GRIPAP1: variants seen among roughly 807,000 people sequenced by gnomAD.
The protein encoded by GRIPAP1 is GRIP1-associated protein 1.
In GRIPAP1, 14 loss-of-function variants were observed where a neutral mutation model predicts 84.1. The observed-to-expected ratio is 0.17, with a 90% CI of 0.11 to 0.26. The LOEUF is 0.26. Ranked by LOEUF, GRIPAP1 falls within the 10% of genes least tolerant of loss-of-function variation. GRIPAP1 has a pLI of 1.00. For synonymous variants in GRIPAP1, 261 were observed against 256.8 expected (o/e 1.02, Z -0.15); for missense variants, 518 against 674.2 (o/e 0.77, Z 2.57).
chrX:48,985,101 G>C (rs1391142083), intron 14 of GRIPAP1, among the ~76,000 whole-genome samples, 167 bp downstream of exon 14: 9 of 111,783 alleles, frequency 8.1e-5, no homozygotes, highest in African/African-American at 2.9e-4. Context: ...CTCAGTTTCA[G>C]AGAAGTGAAA....
rs1009934296 is a variant in GRIPAP1 at position 48,989,707 on chromosome X, G to T, written c.774C>A (p.Asn258Lys). The T allele has an allele frequency of 8.5e-7, 1 of 1,179,319 alleles. No homozygotes were observed. Among genetic ancestry groups the T allele is most frequent in the African/African-American group, 1.8e-5 (1 of 56,677 alleles). Residue 258 changes from asparagine to lysine, a missense_variant, in exon 11 of 26, where the codon AAC becomes AAA. By Grantham distance (94) the Asn-to-Lys change is moderately conservative (BLOSUM62 0). This residue lies in a region of GRIPAP1 where 372 missense variants were observed against 458.1 expected (regional missense o/e 0.81). Transcript: ENST00000376423. ...TCCGTTGTTGTAATTCCTCAATCTTGTTCCTAGGAGTGATGGGGAGGGGGT... is the reference window on the plus strand; with the variant it reads ...TCCGTTGTTGTAATTCCTCAATCTTTTTCCTAGGAGTGATGGGGAGGGGGT... The part of the protein sequence containing the change: ...EKETLFNDSR[N>K]KIEELQQRKE...
Position 48,976,036 on chromosome X carries a change from C to T in GRIPAP1, c.2260G>A (p.Val754Ile), listed in dbSNP as rs1019007123. 1 of 1,210,636 alleles carries T rather than the reference C, an allele frequency of 8.3e-7. No homozygotes were observed. The highest frequency in any genetic ancestry group is 1.7e-5 in the African/African-American group (1 of 57,798). ...CACTGACCGATCCGGCTGTCCATGA[C>T]GTAGGTCTCAATGATGGCGCTCTTC... is the stretch of plus-strand genomic sequence containing the variant. ...CRKSAIIETY[V>I]MDSRIDVSVA... The change falls in exon 24 of 26, where the codon GTC becomes ATC. Residue 754 changes from valine to isoleucine, a missense_variant. Val to Ile is a conservative substitution (Grantham distance 29). Transcript: ENST00000376423.
At chrX:48,992,886 T>A (rs2064527559) in intron 6 of GRIPAP1, among the ~76,000 whole-genome samples, 1 of 109,787 alleles carries the variant, frequency 9.1e-6, no homozygotes, top group Non-Finnish European at 1.9e-5. Flanking sequence ...AGTGGTGTGA[T>A]CTCGGCTCAC....
rs1557061034 is a variant in GRIPAP1, at chrX:48,978,370, T to C, written c.1996A>G (p.Ser666Gly). 8.3e-7 allele frequency: 1 copy of C among 1,208,747 alleles called. No individual in the cohort carries two copies. ...TCCCGGTAGCTGAAGGAGGAGATGC[T>C]ACTGCTGTCCCCTGTCTGGGTCCGG... is the stretch of plus-strand genomic sequence containing the variant. ...PSRTQTGDSS[S>G]ISSFSYREIL... Residue 666 changes from serine (S) to glycine (G), a missense_variant, in exon 22 of 26, where the codon AGC becomes GGC. By Grantham distance (56) the Ser-to-Gly change is moderately conservative. Around this residue, in one of 5 missense-constraint regions of GRIPAP1, gnomAD observed 66 missense variants for 65.2 expected, o/e 1.01. Transcript: ENST00000376423.
Position 48,988,221 on chromosome X carries a change from T to C in GRIPAP1, c.871-23A>G, listed in dbSNP as rs1337706360. Reference sequence around the variant, plus strand: ...GCTCTGTGGAGACCAGGGGAGCCCATTTTACACCTCAGCCTCTCCTGGGGT... The same window carrying C: ...GCTCTGTGGAGACCAGGGGAGCCCACTTTACACCTCAGCCTCTCCTGGGGT... On this transcript the variant is annotated intron_variant, in intron 11 of 25. Coordinates refer to ENST00000376423, the MANE Select transcript of GRIPAP1 (RefSeq NM_020137.5). The C allele has an allele frequency of 6.4e-6, 7 of 1,100,696 alleles. No individual in the cohort carries two copies. In the Admixed American group the frequency reaches 1.7e-4, roughly 27 times the overall value. The allele number at this position is 1,100,696 out of a possible 1,213,427, so 90.7% of individuals were successfully genotyped here.
In GRIPAP1 at chrX:48,989,686, T is replaced by C; in HGVS notation, c.795A>G (p.Gln265=). 3 of 1,203,071 alleles carry C rather than the reference T, an allele frequency of 2.5e-6. No individual in the cohort carries two copies. Among genetic ancestry groups the C allele is most frequent in the South Asian group, 1.8e-5 (1 of 56,800 alleles). The change falls in exon 11 of 26, where the codon CAA becomes CAG. Residue 265 remains glutamine (Q), a synonymous_variant. Coordinates refer to ENST00000376423, the MANE Select transcript of GRIPAP1 (RefSeq NM_020137.5). ...GGGCTTTGTGATCAGCTTCCTTCCG[T>C]TGTTGTAATTCCTCAATCTTGTTCC... The part of the protein sequence containing the change: ...DSRNKIEELQ[Q]RKEADHKAQL...
intron 6 of GRIPAP1, among the ~76,000 whole-genome samples, chrX:48,992,966 G>A (rs782464815): frequency 1.1e-4 from 12 of 110,575 alleles, no homozygotes; most frequent in Middle Eastern, 4.7e-3. Context: ...GACTACAGGC[G>A]CCCGCCACCG....
intron 5 of GRIPAP1, among the ~76,000 whole-genome samples, chrX:48,994,459 G>C (rs1602477802): frequency 9.1e-6 from 1 of 110,224 alleles, no homozygotes; most frequent in Non-Finnish European, 1.9e-5. Context: ...CCTGACCTCA[G>C]GTGATCCACC....
intron 14 of GRIPAP1, 107 bp from the exon 15 acceptor site, chrX:48,983,977 A>G: frequency 1.8e-6 from 1 of 541,943 alleles, no homozygotes; most frequent in Non-Finnish European, 3.3e-6. Flanking sequence ...TAAAGTTGGT[A>G]TTGTGATCTC....
intron 11 of GRIPAP1, 126 bp downstream of exon 11, chrX:48,989,485 G>A: frequency 4.3e-6 from 2 of 464,188 alleles, no homozygotes; most frequent in Non-Finnish European, 3.7e-6. Flanking sequence ...CTCCTGGGGG[G>A]CCCCAGAACC....
intron 1 of GRIPAP1, chrX:49,000,694 A>G (rs1557068328): frequency 9.1e-6 from 1 of 110,463 alleles, no homozygotes; most frequent in African/African-American, 3.3e-5. Flanking sequence ...CTCTGTCTCA[A>G]AAAAAAAGAA....
At position 48,981,700 on chromosome X, in the gene GRIPAP1, C is replaced by G; in HGVS notation, c.1678-9G>C. 1 of 1,195,728 alleles carries G rather than the reference C, an allele frequency of 8.4e-7. No individual in the cohort carries two copies. Among genetic ancestry groups the G allele is most frequent in the African/African-American group, 1.7e-5 (1 of 57,633 alleles). ...AGCTCCTCCTCCTTGCCCTGCAAAG[C>G]AGAAAGCAGCTTAGGCATTGGCTTG... On this transcript the variant is annotated splice_polypyrimidine_tract_variant and intron_variant, in intron 18 of 25. Coordinates refer to ENST00000376423, the MANE Select transcript of GRIPAP1 (RefSeq NM_020137.5).
rs1203941191 is a variant in GRIPAP1 at position 48,973,995 on chromosome X, C to G, written c.*198G>C. The G allele has an allele frequency of 2.9e-6, 1 of 340,405 alleles. No homozygotes were observed. The highest frequency in any genetic ancestry group is 5.2e-6 in the Non-Finnish European group (1 of 192,842). 28.1% of individuals were successfully genotyped at this position (340,405 alleles called of 1,213,427 possible). On this transcript the variant is annotated 3_prime_UTR_variant, in exon 26 of 26. Coordinates refer to ENST00000376423, the MANE Select transcript of GRIPAP1 (RefSeq NM_020137.5). The stretch of plus-strand genomic sequence containing the variant: ...AAGAAGGAGAAATCCCTGCCCCTTC[C>G]CTCAGGATCCCCACTCCCTGGTGGC...
intron 1 of GRIPAP1, 41 bp downstream of exon 1, chrX:49,002,147 C>G: frequency 3.1e-6 from 3 of 982,626 alleles, no homozygotes; most frequent in Non-Finnish European, 4.3e-6. Context: ...ACCCCGCCCC[C>G]GGTCGCCTAG....
At chrX:48,984,313 G>A (rs1368943634) in intron 14 of GRIPAP1, among the ~76,000 whole-genome samples, 2 of 111,270 alleles carry the variant, frequency 1.8e-5, no homozygotes, top group Middle Eastern at 4.6e-3. Context: ...TGAAGGTGGA[G>A]GAACAGCAAT....
intron 24 of GRIPAP1, chrX:48,975,687 A>G: frequency 2.9e-6 from 1 of 346,495 alleles, no homozygotes; most frequent in Non-Finnish European, 5.0e-6. Context: ...AGACAGCGAG[A>G]CAAGATGAAG....
Position 49,002,242 on chromosome X carries a change from A to ACC in GRIPAP1, c.-15_-14dup. 1.1e-6 allele frequency: 1 copy of ACC among 873,633 alleles called. No homozygotes were observed. The highest frequency in any genetic ancestry group is 2.4e-5 in the South Asian group (1 of 42,152). The allele number at this position is 873,633 out of a possible 1,213,427, so 72.0% of individuals were successfully genotyped here. ...GAGCTTGCGCCATGTTCCTCCCCCC[A>ACC]CCCCCCCGCCAGCTTTCTGCGCAGA... On this transcript the variant is annotated 5_prime_UTR_variant, in exon 1 of 26. Coordinates refer to ENST00000376423, the MANE Select transcript of GRIPAP1 (RefSeq NM_020137.5).
chrX:48,979,557 G>A (rs1332563431), intron 21 of GRIPAP1, among the ~76,000 whole-genome samples: 1 of 106,860 alleles, frequency 9.4e-6, no homozygotes, highest in Non-Finnish European at 1.9e-5. Context: ...TAATCTAATG[G>A]ACAAGGTGAA....
chrX:48,991,024 T>TG lies in GRIPAP1; in HGVS notation c.543dup (p.Thr182HisfsTer49). ...GCCAACGGCATGGGGGCCAGGACGG[T>TG]GGGGGCCAGGCCCCCTGGGGGATCC... is the stretch of plus-strand genomic sequence containing the variant. On this transcript the variant is annotated frameshift_variant, in exon 7 of 26. Coordinates refer to ENST00000376423, the MANE Select transcript of GRIPAP1 (RefSeq NM_020137.5). LOFTEE classifies it high-confidence loss of function. 8.4e-7 allele frequency: 1 copy of TG among 1,189,639 alleles called. No homozygotes were observed. The highest frequency in any genetic ancestry group is 1.1e-6 in the Non-Finnish European group (1 of 876,900).
Sources: gnomAD v4.1 joint callset for allele counts (sites outside exome capture counted in the v4.1 genomes callset) on GRCh38, gnomAD v4.1.1 for gene constraint, gnomAD v4.1.1 regional missense constraint, MANE v1.5 for transcripts, NCBI Gene and HGNC (gene_info 2026-07-23, HGNC 2026-07-21) for gene names.